The following DAPK3 variants were observed in gnomAD, a reference collection of about 807,000 sequenced individuals.
The protein encoded by DAPK3 is death-associated protein kinase 3.
DAPK3 carries 24 observed loss-of-function variants against 30.6 expected under a neutral mutation model. The observed-to-expected ratio is 0.78, with a 90% CI of 0.57 to 1.10. The LOEUF is 1.10. Among genes scored for constraint, DAPK3 ranks in the 50% least tolerant of loss-of-function variants. The pLI, the probability that DAPK3 is intolerant of heterozygous loss-of-function variation, is 0.00. For missense variants in DAPK3, 629 were observed against 657.3 expected (o/e 0.96, Z 0.47); for synonymous variants, 341 against 284.0 (o/e 1.20, Z -2.02).
At chr19:3,968,983 G>A (rs543803738) in intron 2 of DAPK3, among the ~76,000 whole-genome samples, 1 of 152,342 alleles carries the variant, frequency 6.6e-6, no homozygotes, top group South Asian at 2.1e-4. Context: ...CCCTGGAAGA[G>A]GAAACCTCTG....
chr19:3,964,353 C>T lies in DAPK3; in HGVS notation c.444G>A (p.Leu148=). 1.2e-6 allele frequency: 2 copies of T among 1,613,266 alleles called. No individual in the cohort carries two copies. Among genetic ancestry groups the T allele is most frequent in the Non-Finnish European group, 1.7e-6 (2 of 1,179,320 alleles). Residue 148 remains leucine (L), a synonymous_variant, in exon 4 of 9, where the codon CTG becomes CTA. Coordinates refer to ENST00000545797, the MANE Select transcript of DAPK3 (RefSeq NM_001348.3). ...TTCGTGGGTTGGGCACGTTCTTGTC[C>T]AGCAGCATGATGTTTTCCGGCTGGG... ...FDLKPENIML[L]DKNVPNPRIK...
At chr19:3,965,472 G>A (rs1483104965) in intron 2 of DAPK3, among the ~76,000 whole-genome samples, 10 of 152,112 alleles carry the variant, frequency 6.6e-5, no homozygotes, top group Non-Finnish European at 1.3e-4. Context: ...CAAAAAATTA[G>A]CTGGGTGTGG....
rs748389948 is a variant in DAPK3 at position 3,961,153 on chromosome 19, C to T, written c.638G>A (p.Gly213Asp). The part of the protein sequence containing the change: ...IGVITYILLS[G>D]ASPFLGETKQ... ...GGTCTCGCCCAGGAACGGGGATGCA[C>T]CGCTCAGGCTGCGAGACAGGCGTGG... Residue 213 changes from glycine to aspartate, a missense_variant, in exon 7 of 9, where the codon GGT becomes GAT. Physicochemically the swap from Gly to Asp is moderately conservative, Grantham distance 94. Transcript: ENST00000545797. 2 of 1,612,482 alleles carry T rather than the reference C, an allele frequency of 1.2e-6. No homozygotes were observed. Among genetic ancestry groups the T allele is most frequent in the South Asian group, 2.2e-5 (2 of 91,062 alleles).
intron 6 of DAPK3, among the ~76,000 whole-genome samples, chr19:3,962,376 A>G (rs1242929388): frequency 6.6e-6 from 1 of 152,228 alleles, no homozygotes; most frequent in Non-Finnish European, 1.5e-5. Flanking sequence ...CACGCACTAC[A>G]GCGGGCTGGG....
In DAPK3 at chr19:3,963,677, C is replaced by T. The variant is rs766845685; in HGVS notation, c.603-8G>A. The T allele has an allele frequency of 2.0e-6, 3 of 1,535,892 alleles. No individual in the cohort carries two copies. The highest frequency in any genetic ancestry group is 2.6e-6 in the Non-Finnish European group (3 of 1,141,598). ...GTGATGACACCGATGCTCCTGGGGA[C>T]AGACAAGAGGCAAGGGTCAGCGCAG... On this transcript the variant is annotated splice_polypyrimidine_tract_variant and splice_region_variant and intron_variant, in intron 5 of 8. Coordinates refer to ENST00000545797, the MANE Select transcript of DAPK3 (RefSeq NM_001348.3).
chr19:3,960,921 G>C (rs778399855), intron 7 of DAPK3, 88 bp downstream of exon 7: 2 of 1,416,098 alleles, frequency 1.4e-6, no homozygotes, highest in African/African-American at 2.8e-5. Flanking sequence ...GGGAGGTGGC[G>C]CTGGGAGGAG....
At chr19:3,959,753 C>G in intron 8 of DAPK3, 116 bp from the exon 9 acceptor site, 5 of 1,212,852 alleles carry the variant, frequency 4.1e-6, no homozygotes, top group South Asian at 1.6e-5. Context: ...GTCAACGCCT[C>G]GTGACGGAGA....
chr19:3,963,185 A>C (rs530255348), intron 6 of DAPK3, among the ~76,000 whole-genome samples: 1 of 151,514 alleles, frequency 6.6e-6, no homozygotes, highest in Non-Finnish European at 1.5e-5. Flanking sequence ...AGGTGGGAGG[A>C]TTGCTTAAGT....
intron 2 of DAPK3, among the ~76,000 whole-genome samples, chr19:3,966,588 T>G (rs1462417960): frequency 6.6e-6 from 1 of 152,182 alleles, no homozygotes; most frequent in African/African-American, 2.4e-5. Context: ...CACCAGGCAC[T>G]GCGGGTGGCA....
At chr19:3,963,842 G>A (rs1220915824) in intron 5 of DAPK3, 29 bp downstream of exon 5, 3 of 1,501,298 alleles carry the variant, frequency 2.0e-6, no homozygotes, top group Admixed American at 3.4e-5. Context: ...AATGCAGGGA[G>A]GCCCGGTGGG....
At position 3,964,263 on chromosome 19, in the gene DAPK3, G is replaced by A. The variant is rs764682999; in HGVS notation, c.534C>T (p.Phe178=). 59 of 1,612,828 alleles carry A rather than the reference G, an allele frequency of 3.7e-5. No homozygotes were observed. Among genetic ancestry groups the A allele is most frequent in the Middle Eastern group, 1.6e-4 (1 of 6,080 alleles). The change falls in exon 4 of 9, where the codon TTC becomes TTT. Residue 178 remains phenylalanine, a synonymous_variant. Coordinates refer to ENST00000545797, the MANE Select transcript of DAPK3 (RefSeq NM_001348.3). ...CCTCACCCACAAACTCCGGGGTGCC[G>A]AAGATGTTCTTGAACTCGTTCCCCG... ...IEAGNEFKNI[F]GTPEFVAPEI...
intron 2 of DAPK3, among the ~76,000 whole-genome samples, chr19:3,968,732 C>T (rs1032738133): frequency 4.6e-5 from 7 of 152,170 alleles, no homozygotes; most frequent in Non-Finnish European, 8.8e-5. Context: ...GAAGGAGGGA[C>T]CTCAGGATCC....
intron 6 of DAPK3, among the ~76,000 whole-genome samples, chr19:3,962,939 TA>T (rs1171724002): frequency 1.3e-5 from 2 of 151,356 alleles, no homozygotes; most frequent in Non-Finnish European, 2.9e-5. Context: ...CCGTCTCTTC[TA>T]AAAATACAAA....
chr19:3,965,589 G>A (rs138574685), intron 2 of DAPK3, among the ~76,000 whole-genome samples: 7,273 of 152,262 alleles, frequency 0.048, 562 homozygotes, highest in African/African-American at 0.16. Flanking sequence ...CTGTACTCCA[G>A]CCTGGGCAAC....
intron 2 of DAPK3, among the ~76,000 whole-genome samples, chr19:3,967,808 A>T (rs539590726): frequency 6.6e-6 from 1 of 152,150 alleles, no homozygotes; most frequent in Non-Finnish European, 1.5e-5. Context: ...CACTTCATGT[A>T]TCTCTGAGAA....
chr19:3,969,255 C>G (rs2039610685), intron 2 of DAPK3, among the ~76,000 whole-genome samples: 1 of 152,188 alleles, frequency 6.6e-6, no homozygotes, highest in Non-Finnish European at 1.5e-5. Flanking sequence ...CCTCCCGTCT[C>G]AGCTTCCCTA....
chr19:3,964,544 C>G (rs1029159475), intron 3 of DAPK3, 87 bp downstream of exon 3: 1 of 1,447,268 alleles, frequency 6.9e-7, no homozygotes. Flanking sequence ...CACCCCCACG[C>G]GCAGGAGGTG....
In DAPK3 at chr19:3,964,885, T is replaced by C; in HGVS notation, c.169A>G (p.Ser57Gly). ...ACCTCCCGCTCGATCTCCTCCCGGC[T>C]CACCCCACGCCGGCTGGATGACAGG... The part of the protein sequence containing the change: ...RRLSSSRRGV[S>G]REEIEREVNI... Residue 57 changes from serine to glycine, a missense_variant, in exon 3 of 9, where the codon AGC becomes GGC. Around this residue, in one of 2 missense-constraint regions of DAPK3, gnomAD observed 306 missense variants for 378.5 expected, o/e 0.81. Coordinates refer to ENST00000545797, the MANE Select transcript of DAPK3 (RefSeq NM_001348.3). 1 of 1,610,652 alleles carries C rather than the reference T, an allele frequency of 6.2e-7. No homozygotes were observed. Among genetic ancestry groups the C allele is most frequent in the Non-Finnish European group, 8.5e-7 (1 of 1,177,096 alleles).
At chr19:3,969,976 C>G in intron 1 of DAPK3, 147 bp from the exon 2 acceptor site, 1 of 556,936 alleles carries the variant, frequency 1.8e-6, no homozygotes, top group Non-Finnish European at 3.2e-6. Flanking sequence ...GCTGTGTTTA[C>G]TGGGCTGGGT....
Sources: allele counts gnomAD v4.1 joint callset (sites outside exome capture counted in the v4.1 genomes callset), GRCh38; gene constraint gnomAD v4.1.1; regional missense constraint gnomAD v4.1.1; transcripts MANE v1.5; gene names NCBI Gene and HGNC (gene_info 2026-07-23, HGNC 2026-07-21).